PLXNA4: variants seen among roughly 807,000 people sequenced by gnomAD.
The protein encoded by PLXNA4 is plexin-A4.
Under a neutral mutation model 191.8 loss-of-function variants are expected in PLXNA4, and 44 were observed. That is an observed-to-expected ratio of 0.23 (90% CI 0.18 to 0.29). The LOEUF is 0.29. Among genes scored for constraint, PLXNA4 ranks in the 10% least tolerant of loss-of-function variants. The pLI is 1.00. For missense variants in PLXNA4, 1,800 were observed against 2,488.8 expected (o/e 0.72, Z 5.89); for synonymous variants, 1,082 against 1,009.5 (o/e 1.07, Z -1.36).
At chr7:132,379,683 G>C (rs927609214) in intron 3 of PLXNA4, among the ~76,000 whole-genome samples, 1 of 152,192 alleles carries the variant, frequency 6.6e-6, no homozygotes, top group African/African-American at 2.4e-5. Flanking sequence ...AAATGTTGAA[G>C]GAAAGAGTAA....
chr7:132,431,901 C>T (rs77304775), intron 3 of PLXNA4, among the ~76,000 whole-genome samples: 2,308 of 152,248 alleles, frequency 0.015, 32 homozygotes, highest in Non-Finnish European at 0.025. Flanking sequence ...ACACCTGAGA[C>T]GAGGATAGGA....
In PLXNA4 at chr7:132,396,957, C is replaced by A. The variant is rs150489873; in HGVS notation, c.1371+92335G>T. On this transcript the variant is annotated intron_variant, in intron 3 of 31. Transcript: ENST00000321063. Reference sequence around the variant, plus strand: ...CCTCCAGGGGCGGCCCTGCCCCACACCTGCCTGGGGCCTAGGGAAATCCTG... The same window carrying A: ...CCTCCAGGGGCGGCCCTGCCCCACAACTGCCTGGGGCCTAGGGAAATCCTG... Among the ~76,000 whole-genome samples the A allele has an allele frequency of 8.5e-3, 1,290 of 152,378 alleles. 8 individuals are homozygous for A. Among genetic ancestry groups the A allele is most frequent in the Non-Finnish European group, 0.013 (864 of 68,034 alleles).
intron 2 of PLXNA4, among the ~76,000 whole-genome samples, chr7:132,628,694 C>T (rs1305019606): frequency 6.6e-6 from 1 of 152,126 alleles, no homozygotes; most frequent in African/African-American, 2.4e-5. Flanking sequence ...TTCCTCAACT[C>T]TGTCTTGTAA....
rs1217623557 is a variant in PLXNA4 at position 132,175,011 on chromosome 7, C to T, written c.3875-91G>A. 3.2e-6 allele frequency: 5 copies of T among 1,548,952 alleles called. No individual in the cohort carries two copies. The Admixed American group carries it at 9.1e-5, about 28-fold the overall frequency. The stretch of plus-strand genomic sequence containing the variant: ...AATGCTCAGAACCCTTACCCAAGCC[C>T]CTAGGAGACATGAGCAATGGACCAC... On this transcript the variant is annotated intron_variant, in intron 20 of 31. Transcript: ENST00000321063.
At chr7:132,202,446 A>C (rs901917234) in intron 12 of PLXNA4, among the ~76,000 whole-genome samples, 200 bp downstream of exon 12, 35 of 152,158 alleles carry the variant, frequency 2.3e-4, no homozygotes, top group Non-Finnish European at 4.7e-4. Context: ...GTCGAGCCCC[A>C]AAAAGAGTCT....
chr7:132,361,689 G>T (rs1803949430), intron 3 of PLXNA4, among the ~76,000 whole-genome samples: 1 of 152,196 alleles, frequency 6.6e-6, no homozygotes, highest in Admixed American at 6.5e-5. Flanking sequence ...AATCATTTCT[G>T]TGCCTCCTTG....
At chr7:132,381,598 A>T (rs1804895048) in intron 3 of PLXNA4, among the ~76,000 whole-genome samples, 1 of 152,260 alleles carries the variant, frequency 6.6e-6, no homozygotes, top group Non-Finnish European at 1.5e-5. Context: ...CAAGGAACAC[A>T]GTCTGGAAAC....
chr7:132,643,320 T>C (rs1318952176), intron 2 of PLXNA4, among the ~76,000 whole-genome samples: 2 of 152,120 alleles, frequency 1.3e-5, no homozygotes, highest in Non-Finnish European at 2.9e-5. Context: ...AATCTTCAAG[T>C]GCAAGTTCAG....
chr7:132,430,647 C>T (rs3847114), intron 3 of PLXNA4, among the ~76,000 whole-genome samples: 9,804 of 152,248 alleles, frequency 0.064, 1,013 homozygotes, highest in African/African-American at 0.22. Flanking sequence ...TTGCAGTCTT[C>T]ATGCCTCTTG....
chr7:132,203,300 G>C (rs1584838238), intron 11 of PLXNA4, 23 bp downstream of exon 11: 18 of 1,397,376 alleles, frequency 1.3e-5, no homozygotes, highest in Non-Finnish European at 1.8e-5. Flanking sequence ...TCCCTCCCCT[G>C]CTAGGCCCCA....
At chr7:132,577,981 G>C (rs1802324427), upstream of PLXNA4, among the ~76,000 whole-genome samples, 1 of 152,140 alleles carries the variant, frequency 6.6e-6, no homozygotes, top group South Asian at 2.1e-4. Context: ...TTCCATTCAT[G>C]TTTATACTGA....
intron 27 of PLXNA4, among the ~76,000 whole-genome samples, chr7:132,147,568 C>G (rs762390861): frequency 6.6e-6 from 1 of 152,132 alleles, no homozygotes; most frequent in Non-Finnish European, 1.5e-5. Flanking sequence ...TTATAATGTA[C>G]TAATCTGCAT....
At chr7:132,562,967 C>T (rs1585347437) in intron 1 of PLXNA4, among the ~76,000 whole-genome samples, 1 of 110,462 alleles carries the variant, frequency 9.1e-6, no homozygotes, top group Non-Finnish European at 1.8e-5. Flanking sequence ...CCCTCCTCCT[C>T]CTCTCCCTCC....
At chr7:132,182,352 A>T (rs1002720333) in intron 16 of PLXNA4, among the ~76,000 whole-genome samples, 162 bp from the exon 17 acceptor site, 2 of 152,166 alleles carry the variant, frequency 1.3e-5, no homozygotes, top group Non-Finnish European at 2.9e-5. Flanking sequence ...AGTAATAAGG[A>T]TGAGTATCTC....
Position 132,489,892 on chromosome 7 carries a change from G to A in PLXNA4, c.1189-418C>T, listed in dbSNP as rs112534048. On this transcript the variant is annotated intron_variant, in intron 2 of 31. Coordinates refer to ENST00000321063, the MANE Select transcript of PLXNA4 (RefSeq NM_020911.2). ...CAGGCACAAGAGGGATGTGGTCTCC[G>A]TATCTATACACAAAGAGGAATGTGG... is the stretch of plus-strand genomic sequence containing the variant. Among the ~76,000 whole-genome samples the A allele has an allele frequency of 9.3e-3, 1,419 of 152,238 alleles. 28 individuals are homozygous for A. The highest frequency in any genetic ancestry group is 0.033 in the African/African-American group (1,352 of 41,552).
intron 24 of PLXNA4, among the ~76,000 whole-genome samples, chr7:132,162,392 C>T (rs550059658): frequency 5.9e-5 from 9 of 152,340 alleles, no homozygotes; most frequent in African/African-American, 2.2e-4. Flanking sequence ...CCAATTTCCT[C>T]ACATTCTCTT....
chr7:132,557,789 T>C (rs1563170413), intron 1 of PLXNA4, among the ~76,000 whole-genome samples: 1 of 152,156 alleles, frequency 6.6e-6, no homozygotes, highest in Non-Finnish European at 1.5e-5. Flanking sequence ...GACATGGACA[T>C]CACTGCCTGC....
chr7:132,354,190 T>C (rs893604511), intron 3 of PLXNA4, among the ~76,000 whole-genome samples: 4 of 152,058 alleles, frequency 2.6e-5, no homozygotes, highest in African/African-American at 7.2e-5. Context: ...TGTGTGCGTG[T>C]GTGTGTGTGT....
chr7:132,500,258 C>T (rs754018306), intron 2 of PLXNA4, among the ~76,000 whole-genome samples: 2 of 152,064 alleles, frequency 1.3e-5, no homozygotes, highest in African/African-American at 2.4e-5. Context: ...GCTTGGCCAG[C>T]GTGATGAAAC....
Sources: allele counts gnomAD v4.1 joint callset (sites outside exome capture counted in the v4.1 genomes callset), GRCh38; gene constraint gnomAD v4.1.1; transcripts MANE v1.5; gene names NCBI Gene and HGNC (gene_info 2026-07-23, HGNC 2026-07-21).